Variants in RBFOX3 observed in about 807,000 individuals in gnomAD.
The protein encoded by RBFOX3 is RNA binding protein fox-1 homolog 3.
RBFOX3 carries 17 observed loss-of-function variants against 48.7 expected under a neutral mutation model. That is an observed-to-expected ratio of 0.35 (90% confidence interval 0.24 to 0.52). The LOEUF (loss-of-function observed/expected upper bound fraction) is 0.52, where lower values mean the gene tolerates loss of function less well. Among genes scored for constraint, RBFOX3 ranks in the 20% least tolerant of loss-of-function variants. The pLI, the probability that RBFOX3 is intolerant of heterozygous loss-of-function variation, is 0.94. For synonymous variants in RBFOX3, 212 were observed against 209.5 expected, an observed-to-expected ratio of 1.01 and a Z score of -0.10; for missense variants, 382 against 497.5, an observed-to-expected ratio of 0.77 and a Z score of 2.21.
chr17:79,558,416 A>G (rs2091937171), intron 1 of RBFOX3, among the ~76,000 whole-genome samples: 1 of 152,222 alleles, frequency 6.6e-6, no homozygotes, highest in Non-Finnish European at 1.5e-5. Context: ...GTCCAGGCGC[A>G]GAGACCGGCT....
chr17:79,391,563 G>A lies in RBFOX3; in HGVS notation c.-174-83739C>T, dbSNP rs1477477545. 1.3e-5 allele frequency among the ~76,000 whole-genome samples: 2 copies of A among 152,208 alleles called. No homozygotes were observed. The highest frequency in any genetic ancestry group is 2.9e-5 in the Non-Finnish European group (2 of 68,044). Reference sequence around the variant, plus strand: ...AATCTCACCCGAAACCAACCTCACAGGTGCTGATTCACTTTTAGGAATTAG... The same window carrying A: ...AATCTCACCCGAAACCAACCTCACAAGTGCTGATTCACTTTTAGGAATTAG... On this transcript the variant is annotated intron_variant, in intron 2 of 14. Transcript: ENST00000693108. This position sits in a 1 kb window ranked among gnomAD's most constrained non-coding sequence, Gnocchi z 5.0.
intron 1 of RBFOX3, among the ~76,000 whole-genome samples, chr17:79,534,959 G>T (rs1419295978): frequency 6.6e-6 from 1 of 152,120 alleles, no homozygotes; most frequent in African/African-American, 2.4e-5. Context: ...TCTGCTCTGG[G>T]GGACTGCCAT....
chr17:79,107,646 G>A (rs2077647730), intron 5 of RBFOX3, among the ~76,000 whole-genome samples: 1 of 152,238 alleles, frequency 6.6e-6, no homozygotes, highest in African/African-American at 2.4e-5. Context: ...CATGTGGCAG[G>A]TGCTTCATCA....
intron 2 of RBFOX3, among the ~76,000 whole-genome samples, chr17:79,345,916 TTTTG>T (rs1030792725): frequency 1.5e-4 from 23 of 152,272 alleles, no homozygotes; most frequent in African/African-American, 3.9e-4. Flanking sequence ...GAGATTTGTT[TTTTG>T]TTTGTTTGTT....
Position 79,263,224 on chromosome 17 carries a change from G to A in RBFOX3, c.-73-27419C>T, listed in dbSNP as rs535556781. Among the ~76,000 whole-genome samples, 8 of 152,354 alleles carry A rather than the reference G, an allele frequency of 5.3e-5. No individual in the cohort carries two copies. The South Asian group carries it at 8.3e-4, about 16-fold the overall frequency. Reference sequence around the variant, plus strand: ...GGGCTCAGGCTCTGGAAACACTCAGGCTAGAGGGAGAACACAGCAAGGGCA... The same window carrying A: ...GGGCTCAGGCTCTGGAAACACTCAGACTAGAGGGAGAACACAGCAAGGGCA... On this transcript the variant is annotated intron_variant, in intron 3 of 14. Transcript: ENST00000693108.
At chr17:79,406,732 T>A (rs912012251) in intron 2 of RBFOX3, among the ~76,000 whole-genome samples, 6 of 152,196 alleles carry the variant, frequency 3.9e-5, no homozygotes, top group Admixed American at 2.6e-4. Flanking sequence ...ATTTGCTTCA[T>A]AAAATTCTGG....
intron 4 of RBFOX3, among the ~76,000 whole-genome samples, chr17:79,129,736 G>C (rs2038318786): frequency 6.6e-6 from 1 of 152,242 alleles, no homozygotes; most frequent in Non-Finnish European, 1.5e-5. Flanking sequence ...TGTGGCGTTT[G>C]CCAATTTCCC....
intron 3 of RBFOX3, among the ~76,000 whole-genome samples, chr17:79,268,914 C>A (rs1388780361): frequency 3.9e-5 from 6 of 152,346 alleles, no homozygotes; most frequent in Admixed American, 3.9e-4. Context: ...TCCCTCTCAC[C>A]CCCTTGTCTT....
chr17:79,590,591 A>G (rs1217426883), intron 1 of RBFOX3, among the ~76,000 whole-genome samples: 1 of 152,132 alleles, frequency 6.6e-6, no homozygotes, highest in Non-Finnish European at 1.5e-5. Flanking sequence ...GGTCTAGGGA[A>G]GTCCGCCTCC....
At chr17:79,231,183 G>C (rs2060995769) in intron 4 of RBFOX3, among the ~76,000 whole-genome samples, 1 of 152,166 alleles carries the variant, frequency 6.6e-6, no homozygotes, top group Non-Finnish European at 1.5e-5. Context: ...CAGAGCAATG[G>C]GGAGAAGACA....
intron 1 of RBFOX3, among the ~76,000 whole-genome samples, chr17:79,486,028 G>A (rs950808190): frequency 1.1e-4 from 16 of 152,366 alleles, no homozygotes; most frequent in South Asian, 1.0e-3. Flanking sequence ...TGTACCCCAC[G>A]CCCCACCCCT....
chr17:79,415,372 G>T (rs947325837), intron 2 of RBFOX3, among the ~76,000 whole-genome samples: 11 of 152,162 alleles, frequency 7.2e-5, no homozygotes, highest in African/African-American at 2.2e-4. Context: ...TGATCCTGGG[G>T]GTCAGAGTAC....
intron 4 of RBFOX3, among the ~76,000 whole-genome samples, chr17:79,144,267 A>G (rs556577496): frequency 5.3e-4 from 80 of 152,238 alleles, no homozygotes; most frequent in Non-Finnish European, 8.8e-4. Flanking sequence ...GTGAGGCCTG[A>G]AGAATTGTCC....
At chr17:79,612,493 A>G (rs1399900428), upstream of RBFOX3, among the ~76,000 whole-genome samples, 2 of 152,180 alleles carry the variant, frequency 1.3e-5, no homozygotes, top group East Asian at 3.9e-4. Flanking sequence ...GCAGGGCAGC[A>G]GAGACGGTGG....
rs184374462 is a variant in RBFOX3, at chr17:79,106,553, G to C, written c.360+98C>G. ...CTGCGCAGTGGGAGGCAGGAAACCC[G>C]GGGGAACAGGTGTCGGCAGGAAGGC... On this transcript the variant is annotated intron_variant, in intron 6 of 14. Transcript: ENST00000693108. The C allele has an allele frequency of 8.1e-6, 11 of 1,355,582 alleles. No individual in the cohort carries two copies. The African/African-American group carries it at 1.5e-4, about 19-fold the overall frequency. 84.0% of individuals were successfully genotyped at this position (1,355,582 alleles called of 1,614,324 possible). A position where few individuals can be genotyped will look rare whatever the true frequency, so the allele number is the denominator to read the frequency against.
intron 2 of RBFOX3, among the ~76,000 whole-genome samples, chr17:79,425,736 G>A (rs2067234402): frequency 6.6e-6 from 1 of 152,104 alleles, no homozygotes; most frequent in Non-Finnish European, 1.5e-5. Context: ...AAGAGCAGAG[G>A]GAGCAGTGAA....
chr17:79,224,513 G>A (rs1288406405), intron 4 of RBFOX3, among the ~76,000 whole-genome samples: 1 of 152,172 alleles, frequency 6.6e-6, no homozygotes, highest in East Asian at 1.9e-4. Context: ...ACTTGGCTGC[G>A]AAACATCCCC....
chr17:79,198,204 A>G lies in RBFOX3; in HGVS notation c.-34+37562T>C, dbSNP rs1448341464. Among the ~76,000 whole-genome samples, 1 of 151,992 alleles carries G rather than the reference A, an allele frequency of 6.6e-6. No homozygotes were observed. Among genetic ancestry groups the G allele is most frequent in the African/African-American group, 2.4e-5 (1 of 41,354 alleles). On this transcript the variant is annotated intron_variant, in intron 4 of 14. Coordinates refer to ENST00000693108, the MANE Select transcript of RBFOX3 (RefSeq NM_001350451.2). The surrounding 1 kb of genome is among the most constrained non-coding windows in gnomAD (Gnocchi z 8.2). ...GTTGCATCGCTGGACCATCCTCAAC[A>G]CTGGACCAGACCAGAAGGGGAAATC...
chr17:79,181,228 C>T (rs1361888441), intron 4 of RBFOX3, among the ~76,000 whole-genome samples: 1 of 152,200 alleles, frequency 6.6e-6, no homozygotes, highest in East Asian at 1.9e-4. Flanking sequence ...GTCTCCAGAC[C>T]AGGACCCTTA....
Sources: gnomAD v4.1 joint callset for allele counts (sites outside exome capture counted in the v4.1 genomes callset) on GRCh38, gnomAD v4.1.1 for gene constraint, Gnocchi (gnomAD v3.1) non-coding constraint, MANE v1.5 for transcripts, NCBI Gene and HGNC (gene_info 2026-07-23, HGNC 2026-07-21) for gene names.